KIAA1217: variants seen among roughly 807,000 people sequenced by gnomAD.
KIAA1217 encodes the protein sickle tail protein homolog.
A neutral mutation model predicts 163.9 loss-of-function variants in KIAA1217; 88 were observed. That is an observed-to-expected ratio of 0.54 (90% CI 0.45 to 0.64). KIAA1217 has a LOEUF of 0.64. Ranked by LOEUF, KIAA1217 falls within the 30% of genes least tolerant of loss-of-function variation. KIAA1217 has a pLI of 0.00. For synonymous variants in KIAA1217, 903 were observed against 923.1 expected (o/e 0.98, Z 0.39); for missense variants, 2,372 against 2,475.0 (o/e 0.96, Z 0.88).
chr10:24,166,648 GA>G (rs2065359511), intron 2 of KIAA1217, among the ~76,000 whole-genome samples: 1 of 150,908 alleles, frequency 6.6e-6, no homozygotes, highest in African/African-American at 2.5e-5. Context: ...TGAGGCACAA[GA>G]ATCACTTGAG....
At chr10:23,915,866 T>C (rs919273433) in intron 1 of KIAA1217, among the ~76,000 whole-genome samples, 1 of 152,130 alleles carries the variant, frequency 6.6e-6, no homozygotes, top group Non-Finnish European at 1.5e-5. Context: ...AGTATCTGCT[T>C]TCTCTGTCAA....
At chr10:24,376,759 C>CTGAA (rs757802916) in intron 2 of KIAA1217, among the ~76,000 whole-genome samples, 148 of 152,190 alleles carry the variant, frequency 9.7e-4, no homozygotes, top group African/African-American at 2.4e-3. Context: ...CCCTGTCTGA[C>CTGAA]TGAATGAATG....
At chr10:24,190,795 T>C (rs2066681336) in intron 2 of KIAA1217, among the ~76,000 whole-genome samples, 1 of 152,070 alleles carries the variant, frequency 6.6e-6, no homozygotes. Flanking sequence ...GGATAGAGTC[T>C]ATAAGAAGAA....
intron 1 of KIAA1217, among the ~76,000 whole-genome samples, chr10:23,953,228 T>C (rs1206073290): frequency 6.6e-6 from 1 of 152,218 alleles, no homozygotes; most frequent in African/African-American, 2.4e-5. Flanking sequence ...TTGTATTAGC[T>C]TATGCTTCAT....
chr10:24,316,018 T>G (rs2043318096), intron 2 of KIAA1217, among the ~76,000 whole-genome samples: 1 of 152,048 alleles, frequency 6.6e-6, no homozygotes, highest in Non-Finnish European at 1.5e-5. Flanking sequence ...AATGCTGTCT[T>G]CGAACACTTT....
At chr10:24,160,379 A>G (rs2065066865) in intron 2 of KIAA1217, among the ~76,000 whole-genome samples, 1 of 152,112 alleles carries the variant, frequency 6.6e-6, no homozygotes, top group Non-Finnish European at 1.5e-5. Context: ...CCATTTATTT[A>G]GGACTTCTTT....
intron 1 of KIAA1217, among the ~76,000 whole-genome samples, chr10:23,755,647 TA>T (rs1006013266): frequency 1.1e-4 from 17 of 152,018 alleles, no homozygotes; most frequent in Non-Finnish European, 2.2e-4. Context: ...AACACAAGCC[TA>T]GGGGGAGAAG....
chr10:23,723,001 G>A (rs868115192), intron 1 of KIAA1217, among the ~76,000 whole-genome samples: 8 of 152,108 alleles, frequency 5.3e-5, no homozygotes, highest in Admixed American at 1.3e-4. Flanking sequence ...AGCCATTCCC[G>A]AGTGTCATCA....
intron 2 of KIAA1217, among the ~76,000 whole-genome samples, chr10:24,014,476 A>G (rs896349787): frequency 2.6e-5 from 4 of 152,168 alleles, no homozygotes; most frequent in African/African-American, 4.8e-5. Context: ...TGTTGGAAAC[A>G]AAAGACTGAA....
At chr10:24,422,473 T>C (rs2131571178) in intron 3 of KIAA1217, among the ~76,000 whole-genome samples, 1 of 152,344 alleles carries the variant, frequency 6.6e-6, no homozygotes, top group Admixed American at 6.5e-5. Context: ...GAGTAACCTT[T>C]GAGATGAAAA....
At chr10:24,065,195 T>C (rs1004190856) in intron 2 of KIAA1217, among the ~76,000 whole-genome samples, 22 of 152,334 alleles carry the variant, frequency 1.4e-4, no homozygotes, top group African/African-American at 4.6e-4. Context: ...CTTTTGAATG[T>C]GTTTGCTCTT....
intron 1 of KIAA1217, among the ~76,000 whole-genome samples, chr10:23,855,986 C>T (rs941384373): frequency 2.0e-5 from 3 of 152,124 alleles, no homozygotes; most frequent in East Asian, 1.9e-4. Flanking sequence ...GTAGTTTGAT[C>T]GTCTGAAGCA....
chr10:24,049,161 G>A (rs111603527), intron 2 of KIAA1217, among the ~76,000 whole-genome samples: 168 of 152,024 alleles, frequency 1.1e-3, no homozygotes, highest in African/African-American at 3.9e-3. Flanking sequence ...CAGGAAAGGA[G>A]TATAGAGTCA....
intron 1 of KIAA1217, among the ~76,000 whole-genome samples, chr10:23,833,458 G>A (rs1236423044): frequency 6.6e-6 from 1 of 150,628 alleles, no homozygotes; most frequent in African/African-American, 2.5e-5. Context: ...ACTCTAGGCT[G>A]GATGACAGAG....
At chr10:23,918,077 A>T (rs1277295583) in intron 1 of KIAA1217, among the ~76,000 whole-genome samples, 4 of 151,048 alleles carry the variant, frequency 2.6e-5, no homozygotes, top group Non-Finnish European at 5.9e-5. Flanking sequence ...CAGTGGTGTG[A>T]TCATGGCTCA....
chr10:23,959,173 C>T (rs772505106), intron 1 of KIAA1217, among the ~76,000 whole-genome samples: 16 of 151,990 alleles, frequency 1.1e-4, no homozygotes, highest in Non-Finnish European at 1.9e-4. Flanking sequence ...TAGGTCAACA[C>T]AGTGTAGGGG....
At chr10:24,415,208 A>G (rs996661855) in intron 3 of KIAA1217, among the ~76,000 whole-genome samples, 7 of 146,482 alleles carry the variant, frequency 4.8e-5, no homozygotes, top group Non-Finnish European at 4.5e-5. Flanking sequence ...TCCACCTCCC[A>G]GGTTCAAGCG....
At chr10:23,802,823 T>C (rs1317761390) in intron 1 of KIAA1217, among the ~76,000 whole-genome samples, 2 of 152,048 alleles carry the variant, frequency 1.3e-5, no homozygotes, top group African/African-American at 2.4e-5. Context: ...TCCCTTAGAG[T>C]GTTTTGTGGA....
chr10:24,382,478 T>G (rs1375779649), intron 3 of KIAA1217, among the ~76,000 whole-genome samples: 1 of 152,166 alleles, frequency 6.6e-6, no homozygotes, highest in Non-Finnish European at 1.5e-5. Context: ...ATATTAATAT[T>G]TAACATTAAA....
Sources: gnomAD v4.1 joint callset for allele counts (sites outside exome capture counted in the v4.1 genomes callset) on GRCh38, gnomAD v4.1.1 for gene constraint, MANE v1.5 for transcripts, NCBI Gene and HGNC (gene_info 2026-07-23, HGNC 2026-07-21) for gene names.